The following BRCA2 variants were observed in gnomAD, a reference collection of about 807,000 sequenced individuals.
The protein encoded by BRCA2 is BRCA2 DNA repair associated, also known as breast cancer type 2 susceptibility protein.
BRCA2 carries 203 observed loss-of-function variants against 276.7 expected under a neutral mutation model. That is an observed-to-expected ratio of 0.73 (90% CI 0.65 to 0.82). The LOEUF (loss-of-function observed/expected upper bound fraction) is 0.82, where lower values mean the gene tolerates loss of function less well. Among genes scored for constraint, BRCA2 ranks in the 40% least tolerant of loss-of-function variants. The probability of loss-of-function intolerance (pLI) is 0.00; values close to 1 mark genes in which losing one functional copy is unlikely to be tolerated. For synonymous variants in BRCA2, 1,289 were observed against 1,338.4 expected, an observed-to-expected ratio of 0.96 and a Z score of 0.81; for missense variants, 3,920 against 3,915.0, an observed-to-expected ratio of 1.00 and a Z score of -0.03.
chr13:32,368,211 A>G (rs913566556), intron 18 of BRCA2, among the ~76,000 whole-genome samples: 3 of 151,406 alleles, frequency 2.0e-5, no homozygotes, highest in East Asian at 1.9e-4. Context: ...TAGTAGAGAC[A>G]GGGCTTCACT....
At chr13:32,358,607 C>T (rs1341874216) in intron 16 of BRCA2, among the ~76,000 whole-genome samples, 1 of 151,442 alleles carries the variant, frequency 6.6e-6, no homozygotes, top group Non-Finnish European at 1.5e-5. Context: ...GCCTGGGCAA[C>T]ATGGTGAAAA....
chr13:32,346,710 T>C (rs1216121221), intron 12 of BRCA2, 117 bp from the exon 13 acceptor site: 1 of 730,544 alleles, frequency 1.4e-6, no homozygotes, highest in Admixed American at 2.9e-5. Context: ...GAGCATCTGT[T>C]ACATTCACTG....
At chr13:32,398,069 C>T (rs1291674736) in intron 26 of BRCA2, 93 bp from the exon 27 acceptor site, 29 of 1,346,870 alleles carry the variant, frequency 2.2e-5, no homozygotes, top group South Asian at 1.7e-4. Context: ...GTAATATTTG[C>T]GTGCTTAAAT....
intron 14 of BRCA2, 34 bp downstream of exon 14, chr13:32,355,322 C>T (rs2137559340): frequency 6.2e-7 from 1 of 1,610,442 alleles, no homozygotes; most frequent in Non-Finnish European, 8.5e-7. Context: ...TGAATTTTTG[C>T]CTTTCAGTTA....
upstream of BRCA2, chr13:32,315,397 C>T (rs570548398): frequency 2.6e-5 from 4 of 152,414 alleles, no homozygotes; most frequent in African/African-American, 9.6e-5. Flanking sequence ...GAGAAATACC[C>T]GCAGCGGCCC....
chr13:32,353,590 C>G (rs1006989392), intron 13 of BRCA2, among the ~76,000 whole-genome samples: 4 of 152,106 alleles, frequency 2.6e-5, no homozygotes, highest in Non-Finnish European at 5.9e-5. Context: ...CTAGGCCAAT[C>G]GACATATTTG....
In BRCA2 at chr13:32,399,149, A is replaced by C. The variant is rs1593202910; in HGVS notation, c.*379A>C. 1 of 240,284 alleles carries C rather than the reference A, an allele frequency of 4.2e-6. No homozygotes were observed. The highest frequency in any genetic ancestry group is 2.2e-5 in the African/African-American group (1 of 44,578). The allele number at this position is 240,284 out of a possible 1,614,324, so 14.9% of individuals were successfully genotyped here. ...GACCCCCATCTTTACAAAGAAAAAA[A>C]AAAGGGGAAAAGAAAATCTTTTAAA... is the stretch of plus-strand genomic sequence containing the variant. On this transcript the variant is annotated 3_prime_UTR_variant, in exon 27 of 27. Transcript: ENST00000380152.
intron 10 of BRCA2, among the ~76,000 whole-genome samples, chr13:32,333,626 G>A (rs933641493): frequency 2.6e-5 from 4 of 152,092 alleles, no homozygotes; most frequent in Non-Finnish European, 5.9e-5. Context: ...TTTATTTTAA[G>A]TTCCGGGGTA....
intron 10 of BRCA2, among the ~76,000 whole-genome samples, chr13:32,334,354 T>G (rs1042866432): frequency 6.6e-6 from 1 of 152,202 alleles, no homozygotes; most frequent in Admixed American, 6.5e-5. Flanking sequence ...TATGTGGTGC[T>G]ACTTACTATG....
chr13:32,317,272 C>A (rs930502398), intron 2 of BRCA2, among the ~76,000 whole-genome samples: 1 of 152,078 alleles, frequency 6.6e-6, no homozygotes, highest in Non-Finnish European at 1.5e-5. Context: ...TAACCCATTG[C>A]ATATTATCAC....
intron 24 of BRCA2, among the ~76,000 whole-genome samples, chr13:32,389,820 G>A (rs1165116421): frequency 6.6e-6 from 1 of 152,152 alleles, no homozygotes; most frequent in Non-Finnish European, 1.5e-5. Context: ...ATGTCAGTCA[G>A]TCCTGGTCAC....
At chr13:32,397,312 A>G (rs1429931326) in intron 26 of BRCA2, among the ~76,000 whole-genome samples, 1 of 152,228 alleles carries the variant, frequency 6.6e-6, no homozygotes, top group Non-Finnish European at 1.5e-5. Flanking sequence ...GTTCCATACA[A>G]TTAGGGTTGT....
At chr13:32,320,153 A>G (rs923349725) in intron 3 of BRCA2, among the ~76,000 whole-genome samples, 1 of 152,218 alleles carries the variant, frequency 6.6e-6, no homozygotes, top group Non-Finnish European at 1.5e-5. Context: ...GAAAGGGACC[A>G]ATAGACAAGG....
chr13:32,380,577 G>A (rs553410984), intron 24 of BRCA2, among the ~76,000 whole-genome samples: 2 of 118,180 alleles, frequency 1.7e-5, no homozygotes, highest in African/African-American at 6.7e-5. Flanking sequence ...GTCTCACTCT[G>A]TTGCCCAGGC....
In BRCA2 at chr13:32,338,492, G is replaced by T. The variant is rs768918982; in HGVS notation, c.4137G>T (p.Gln1379His). The part of the protein sequence containing the change: ...SGQFMKEGNT[Q>H]IKEDLSDLTF... Reference sequence around the variant, plus strand: ...AGTTTATGAAGGAGGGAAACACTCAGATTAAAGAAGATTTGTCAGATTTAA... The same window carrying T: ...AGTTTATGAAGGAGGGAAACACTCATATTAAAGAAGATTTGTCAGATTTAA... Residue 1379 changes from glutamine (Q) to histidine (H), a missense_variant, in exon 11 of 27, where the codon CAG (glutamine) becomes CAT (histidine). By Grantham distance (24) the Gln-to-His change is conservative. Around this residue, in one of 2 missense-constraint regions of BRCA2, gnomAD observed 3,263 missense variants for 3,156.9 expected, o/e 1.03. Transcript: ENST00000380152. The T allele has an allele frequency of 6.2e-7, 1 of 1,608,978 alleles. No individual in the cohort carries two copies. Among genetic ancestry groups the T allele is most frequent in the Non-Finnish European group, 8.5e-7 (1 of 1,178,598 alleles).
rs1057520248 is a variant in BRCA2 at position 32,333,221 on chromosome 13, C to T, written c.1743C>T (p.Ser581=). The T allele has an allele frequency of 6.2e-7, 1 of 1,612,774 alleles. No individual in the cohort carries two copies. Among genetic ancestry groups the T allele is most frequent in the Non-Finnish European group, 8.5e-7 (1 of 1,179,276 alleles). The change falls in exon 10 of 27, where the codon TCC becomes TCT. Residue 581 remains serine, a synonymous_variant. Coordinates refer to ENST00000380152, the MANE Select transcript of BRCA2 (RefSeq NM_000059.4). The stretch of plus-strand genomic sequence containing the variant: ...CTTTGAAGAATGCAGGTTTAATATC[C>T]ACTTTGAAAAAGAAAACAAATAAGT... The part of the protein sequence containing the change: ...SVALKNAGLI[S]TLKKKTNKFI...
At chr13:32,321,675 T>G (rs1365740475) in intron 3 of BRCA2, among the ~76,000 whole-genome samples, 1 of 152,238 alleles carries the variant, frequency 6.6e-6, no homozygotes, top group Non-Finnish European at 1.5e-5. Context: ...TTACTTTAGA[T>G]TCAGTATTGA....
chr13:32,396,766 G>C (rs1252286865), intron 25 of BRCA2, 132 bp from the exon 26 acceptor site: 15 of 1,101,580 alleles, frequency 1.4e-5, no homozygotes, highest in Non-Finnish European at 2.0e-5. Flanking sequence ...TTTGACAATT[G>C]GTATCACATT....
In BRCA2 at chr13:32,337,804, C is replaced by CT. The variant is rs397507668; in HGVS notation, c.3450dup (p.Ile1151TyrfsTer7). The CT allele has an allele frequency of 1.9e-6, 3 of 1,613,956 alleles. No individual in the cohort carries two copies. The highest frequency in any genetic ancestry group is 1.3e-5 in the African/African-American group (1 of 74,918). On this transcript the variant is annotated frameshift_variant, in exon 11 of 27. Transcript: ENST00000380152. LOFTEE classifies it high-confidence loss of function. Reference sequence around the variant, plus strand: ...TTTGAAGTGCCTGAAAACCAGATGACTATCTTAAAGACCACTTCTGAGGAA... The same window carrying CT: ...TTTGAAGTGCCTGAAAACCAGATGACTTATCTTAAAGACCACTTCTGAGGAA...
Sources: gnomAD v4.1 joint callset for allele counts (sites outside exome capture counted in the v4.1 genomes callset) on GRCh38, gnomAD v4.1.1 for gene constraint, gnomAD v4.1.1 regional missense constraint, MANE v1.5 for transcripts, NCBI Gene and HGNC (gene_info 2026-07-23, HGNC 2026-07-21) for gene names.